LRMDA: variants seen among roughly 807,000 people sequenced by gnomAD.
LRMDA encodes leucine rich melanocyte differentiation associated, also known as leucine-rich melanocyte differentiation-associated protein.
Under a neutral mutation model 29.8 loss-of-function variants are expected in LRMDA, and 18 were observed. The observed-to-expected ratio is 0.60, with a 90% CI of 0.42 to 0.90. The LOEUF (loss-of-function observed/expected upper bound fraction) is 0.90, where lower values mean the gene tolerates loss of function less well. Among genes scored for constraint, LRMDA ranks in the 40% least tolerant of loss-of-function variants. The pLI is 0.00. For synonymous variants in LRMDA, 125 were observed against 109.4 expected (o/e 1.14, Z -0.89); for missense variants, 273 against 273.9 (o/e 1.00, Z 0.02).
At chr10:75,838,617 T>C (rs1277682866) in intron 2 of LRMDA, among the ~76,000 whole-genome samples, 1 of 152,204 alleles carries the variant, frequency 6.6e-6, no homozygotes, top group East Asian at 1.9e-4. Flanking sequence ...TTTATGATAA[T>C]GTAAATATTG....
At chr10:75,966,181 G>T (rs929750104) in intron 2 of LRMDA, among the ~76,000 whole-genome samples, 2 of 152,188 alleles carry the variant, frequency 1.3e-5, no homozygotes, top group Non-Finnish European at 2.9e-5. Context: ...AAGAGCCCTT[G>T]TGTCCCACTG....
chr10:76,120,628 T>C (rs1271913932), intron 5 of LRMDA, among the ~76,000 whole-genome samples: 1 of 152,148 alleles, frequency 6.6e-6, no homozygotes, highest in Non-Finnish European at 1.5e-5. Flanking sequence ...AATGGGATGA[T>C]AGCATAAGAA....
rs1034083911 is a variant in LRMDA, at chr10:75,759,524, A to T, written c.132-276484A>T. The stretch of plus-strand genomic sequence containing the variant: ...GAAGAGATAAGGGAAAATGAGAAAA[A>T]GCAGCTCAGTATTTTGTCTTGTAAA... On this transcript the variant is annotated intron_variant, in intron 2 of 6. Transcript: ENST00000611255. Among the ~76,000 whole-genome samples the T allele has an allele frequency of 2.0e-5, 3 of 152,326 alleles. No individual in the cohort carries two copies. The South Asian group carries it at 6.2e-4, about 32-fold the overall frequency.
chr10:76,354,370 T>A (rs1488432047), intron 6 of LRMDA, among the ~76,000 whole-genome samples: 1 of 151,940 alleles, frequency 6.6e-6, no homozygotes, highest in Non-Finnish European at 1.5e-5. Context: ...CCCTTGGGAG[T>A]TTTCCCAGGA....
At chr10:76,460,581 C>T (rs1842501727) in intron 6 of LRMDA, among the ~76,000 whole-genome samples, 1 of 152,230 alleles carries the variant, frequency 6.6e-6, no homozygotes, top group South Asian at 2.1e-4. Flanking sequence ...TCTGACTAGA[C>T]AGTAAAAGTC....
At chr10:76,007,026 G>GTGTGTGTGTGTT (rs1847680751) in intron 2 of LRMDA, among the ~76,000 whole-genome samples, 1 of 26,214 alleles carries the variant, frequency 3.8e-5, no homozygotes, top group Non-Finnish European at 1.2e-4. Flanking sequence ...GTGTGTGTGT[G>GTGTGTGTGTGTT]TGTGTGCGCG....
chr10:76,155,370 C>G (rs111863383), intron 5 of LRMDA, among the ~76,000 whole-genome samples: 18,475 of 151,998 alleles, frequency 0.12, 1,244 homozygotes, highest in East Asian at 0.24. Context: ...TGTCACTCTT[C>G]TCCCTAAAGG....
intron 2 of LRMDA, among the ~76,000 whole-genome samples, chr10:75,521,308 C>T (rs1252523676): frequency 1.3e-5 from 2 of 152,246 alleles, no homozygotes; most frequent in African/African-American, 2.4e-5. Flanking sequence ...ATGTCCTGCC[C>T]ACAGAGGTGG....
At chr10:75,856,738 A>C (rs995930712) in intron 2 of LRMDA, among the ~76,000 whole-genome samples, 3 of 152,222 alleles carry the variant, frequency 2.0e-5, no homozygotes, top group African/African-American at 7.2e-5. Context: ...CTGAATGGGC[A>C]AAAACTGGAA....
At chr10:75,757,831 A>C in intron 2 of LRMDA, among the ~76,000 whole-genome samples, 1 of 139,758 alleles carries the variant, frequency 7.2e-6, no homozygotes, top group African/African-American at 2.7e-5. Context: ...ATGGAGTCGC[A>C]CTCTGTCATC....
intron 2 of LRMDA, among the ~76,000 whole-genome samples, chr10:75,648,898 G>A (rs1171870648): frequency 1.3e-5 from 2 of 152,066 alleles, no homozygotes; most frequent in Non-Finnish European, 2.9e-5. Flanking sequence ...TTGAAAACTC[G>A]AACTTCCAGT....
intron 5 of LRMDA, among the ~76,000 whole-genome samples, chr10:76,175,261 G>A (rs1850912814): frequency 1.3e-5 from 2 of 152,180 alleles, no homozygotes; most frequent in Non-Finnish European, 2.9e-5. Context: ...AGAGCTGTGG[G>A]TCTGGATGAG....
intron 2 of LRMDA, among the ~76,000 whole-genome samples, chr10:75,486,560 G>C (rs1349784704): frequency 6.6e-6 from 1 of 152,142 alleles, no homozygotes; most frequent in Non-Finnish European, 1.5e-5. Flanking sequence ...GGTGGGATGA[G>C]GAAGGAAAGC....
intron 2 of LRMDA, among the ~76,000 whole-genome samples, chr10:75,476,567 C>T (rs550394926): frequency 1.2e-4 from 19 of 152,276 alleles, no homozygotes; most frequent in South Asian, 1.0e-3. Context: ...CCTAGAGTCA[C>T]GGTCTGATCC....
intron 6 of LRMDA, among the ~76,000 whole-genome samples, chr10:76,415,704 A>T (rs1282409296): frequency 6.6e-6 from 1 of 152,162 alleles, no homozygotes; most frequent in Non-Finnish European, 1.5e-5. Context: ...ATGTGCGTGC[A>T]TTCCTGACAT....
At chr10:76,149,724 T>C (rs1180485375) in intron 5 of LRMDA, among the ~76,000 whole-genome samples, 1 of 152,198 alleles carries the variant, frequency 6.6e-6, no homozygotes, top group Non-Finnish European at 1.5e-5. Context: ...CCACAATTAC[T>C]GTTTCACTGC....
chr10:76,363,176 A>AGAAAGAAAGAAGGGAGGGAGGGAG (rs1459442138), intron 6 of LRMDA, among the ~76,000 whole-genome samples: 2 of 21,794 alleles, frequency 9.2e-5, no homozygotes, highest in Admixed American at 4.9e-4. Context: ...AAAGAAAGAA[A>AGAAAGAAAGAAGGGAGGGAGGGAG]GGAGGGAGGG....
At chr10:75,742,521 A>C (rs1842842160) in intron 2 of LRMDA, among the ~76,000 whole-genome samples, 1 of 152,186 alleles carries the variant, frequency 6.6e-6, no homozygotes, top group African/African-American at 2.4e-5. Context: ...CACACTATGA[A>C]AAATACATGT....
intron 5 of LRMDA, among the ~76,000 whole-genome samples, chr10:76,151,906 A>C (rs1850452002): frequency 6.6e-6 from 1 of 152,162 alleles, no homozygotes; most frequent in Admixed American, 6.5e-5. Context: ...TAGGACCTCC[A>C]GTGTAATGTA....
Sources: gnomAD v4.1 joint callset for allele counts (sites outside exome capture counted in the v4.1 genomes callset) on GRCh38, gnomAD v4.1.1 for gene constraint, MANE v1.5 for transcripts, NCBI Gene and HGNC (gene_info 2026-07-23, HGNC 2026-07-21) for gene names.